The following SKAP1 variants were observed in gnomAD, a reference collection of about 807,000 sequenced individuals.
SKAP1 encodes the protein src kinase-associated phosphoprotein 1.
A neutral mutation model predicts 58.5 loss-of-function variants in SKAP1; 44 were observed. The ratio of observed to expected loss-of-function variants is 0.75; its 90% CI spans 0.59 to 0.97. The LOEUF is 0.97. Ranked by LOEUF, SKAP1 falls within the 50% of genes least tolerant of loss-of-function variation. The probability of loss-of-function intolerance (pLI) is 0.00; values close to 1 mark genes in which losing one functional copy is unlikely to be tolerated. For missense variants in SKAP1, 390 were observed against 435.2 expected (o/e 0.90, Z 0.92); for synonymous variants, 127 against 149.7 (o/e 0.85, Z 1.11).
At position 48,387,938 on chromosome 17, in the gene SKAP1, C is replaced by T. The variant is rs183168503; in HGVS notation, c.152+8742G>A. Among the ~76,000 whole-genome samples the T allele has an allele frequency of 9.9e-4, 151 of 152,250 alleles. 2 individuals carry two copies. The highest frequency in any genetic ancestry group is 1.5e-3 in the Admixed American group (23 of 15,284). ...AAGAAGTACAAAAGTTAGCTACTTC[C>T]TGTTACTTATGTCAGAAATAACAAA... On this transcript the variant is annotated intron_variant, in intron 2 of 12. Transcript: ENST00000336915.
upstream of SKAP1, chr17:48,430,413 T>C (rs1187907352): frequency 4.9e-6 from 1 of 203,156 alleles, no homozygotes; most frequent in African/African-American, 2.3e-5. Flanking sequence ...AGGCCAAAGG[T>C]GCGCCCCTCC....
chr17:48,411,510 G>A (rs1353296730), intron 1 of SKAP1, among the ~76,000 whole-genome samples: 2 of 152,102 alleles, frequency 1.3e-5, no homozygotes, highest in Non-Finnish European at 2.9e-5. Context: ...TCTAAAGTGG[G>A]GGAGCATAAC....
chr17:48,285,404 C>T (rs2065817821), intron 4 of SKAP1, among the ~76,000 whole-genome samples: 1 of 152,140 alleles, frequency 6.6e-6, no homozygotes, highest in South Asian at 2.1e-4. Context: ...ATCACGAGGT[C>T]AGGAGTTGGA....
intron 9 of SKAP1, among the ~76,000 whole-genome samples, chr17:48,173,221 AAT>A (rs145314055): frequency 2.0e-5 from 3 of 150,970 alleles, no homozygotes; most frequent in Non-Finnish European, 1.5e-5. Flanking sequence ...TGGGAAATAA[AAT>A]ATATATATAT....
At chr17:48,194,559 T>C (rs958387790) in intron 4 of SKAP1, among the ~76,000 whole-genome samples, 2 of 152,124 alleles carry the variant, frequency 1.3e-5, no homozygotes, top group African/African-American at 2.4e-5. Context: ...ACAAGGCTAA[T>C]AGCACAGGAG....
At position 48,220,200 on chromosome 17, in the gene SKAP1, A is replaced by G. The variant is rs1014735103; in HGVS notation, c.281-30700T>C. On this transcript the variant is annotated intron_variant, in intron 4 of 12. Transcript: ENST00000336915. The stretch of plus-strand genomic sequence containing the variant: ...ATTCAGCAATTCCTCTCCTAGCTAT[A>G]TACCAAACAGAAATGCCAACATAGT... Among the ~76,000 whole-genome samples, 22 of 152,346 alleles carry G rather than the reference A, an allele frequency of 1.4e-4. 1 individual carries two copies. Among genetic ancestry groups the G allele is most frequent in the African/African-American group, 5.1e-4 (21 of 41,572 alleles).
intron 6 of SKAP1, chr17:48,185,048 T>C (rs2064429323): frequency 3.8e-6 from 2 of 527,234 alleles, no homozygotes; most frequent in Non-Finnish European, 6.6e-6. Context: ...GCTAGGGAAA[T>C]GCAACGTGAA....
chr17:48,363,700 G>C, intron 3 of SKAP1, 89 bp downstream of exon 3: 1 of 1,166,762 alleles, frequency 8.6e-7, no homozygotes, highest in Non-Finnish European at 1.2e-6. Context: ...ATGCCACTCT[G>C]TGGAGAAGCT....
At chr17:48,299,863 G>T (rs770200443) in intron 4 of SKAP1, among the ~76,000 whole-genome samples, 1 of 152,088 alleles carries the variant, frequency 6.6e-6, no homozygotes. Context: ...TGGGAGGATG[G>T]GAAAGGCACT....
chr17:48,367,561 CAT>C lies in SKAP1; in HGVS notation c.153-3749_153-3748del, dbSNP rs143641420. Reference sequence around the variant, plus strand: ...GTATATATATATATGGATATATATCCATATATATATATATATAATCATACTGT... The same window carrying C: ...GTATATATATATATGGATATATATCCATATATATATATATAATCATACTGT... On this transcript the variant is annotated intron_variant, in intron 2 of 12. Transcript: ENST00000336915. 5.0e-3 allele frequency among the ~76,000 whole-genome samples: 707 copies of C among 142,094 alleles called. 12 individuals are homozygous for C. Among genetic ancestry groups the C allele is most frequent in the African/African-American group, 0.016 (630 of 38,784 alleles). The allele number at this position is 142,094 out of a possible 152,430, so 93.2% of individuals were successfully genotyped here.
chr17:48,389,966 A>T (rs1014996716), intron 2 of SKAP1, among the ~76,000 whole-genome samples: 2 of 152,236 alleles, frequency 1.3e-5, no homozygotes, highest in African/African-American at 4.8e-5. Flanking sequence ...ATTTAAAAAA[A>T]TAATTCCAAA....
chr17:48,250,429 T>C (rs1387063467), intron 4 of SKAP1, among the ~76,000 whole-genome samples: 1 of 151,268 alleles, frequency 6.6e-6, no homozygotes, highest in African/African-American at 2.4e-5. Context: ...ATTACAGGCG[T>C]GCACCACCGC....
intron 4 of SKAP1, among the ~76,000 whole-genome samples, chr17:48,236,598 G>A (rs2065183627): frequency 1.3e-5 from 2 of 152,166 alleles, no homozygotes; most frequent in Admixed American, 1.3e-4. Context: ...AAAATGCTGT[G>A]AGACTATGGA....
chr17:48,278,685 G>A (rs1022709353), intron 4 of SKAP1, among the ~76,000 whole-genome samples: 2 of 152,178 alleles, frequency 1.3e-5, no homozygotes, highest in Non-Finnish European at 2.9e-5. Flanking sequence ...AAATACTTAC[G>A]ATGAAGAATT....
At chr17:48,164,699 G>A (rs1333768359) in intron 10 of SKAP1, among the ~76,000 whole-genome samples, 1 of 152,174 alleles carries the variant, frequency 6.6e-6, no homozygotes, top group African/African-American at 2.4e-5. Context: ...AGATGGTTTA[G>A]CTCAGCCCAA....
chr17:48,299,735 A>G (rs746956671), intron 4 of SKAP1, among the ~76,000 whole-genome samples: 1 of 152,208 alleles, frequency 6.6e-6, no homozygotes, highest in Non-Finnish European at 1.5e-5. Context: ...GGCAACAGCT[A>G]TGATAACTGA....
chr17:48,138,742 C>T (rs1468555889), intron 11 of SKAP1, among the ~76,000 whole-genome samples: 1 of 152,018 alleles, frequency 6.6e-6, no homozygotes, highest in African/African-American at 2.4e-5. Context: ...TCTCAAACTC[C>T]TGACCTCAAG....
intron 6 of SKAP1, among the ~76,000 whole-genome samples, chr17:48,185,723 AAAG>A (rs1270298739): frequency 2.0e-5 from 3 of 152,324 alleles, no homozygotes; most frequent in South Asian, 2.1e-4. Flanking sequence ...ATTAAAAAAG[AAAG>A]AAGAAGAAAA....
At chr17:48,174,791 G>A (rs187372842) in intron 9 of SKAP1, among the ~76,000 whole-genome samples, 9 of 152,240 alleles carry the variant, frequency 5.9e-5, no homozygotes, top group Admixed American at 5.9e-4. Flanking sequence ...AAACAGTAAT[G>A]GATTATAATG....
Sources: gnomAD v4.1 joint callset for allele counts (sites outside exome capture counted in the v4.1 genomes callset) on GRCh38, gnomAD v4.1.1 for gene constraint, MANE v1.5 for transcripts, NCBI Gene and HGNC (gene_info 2026-07-23, HGNC 2026-07-21) for gene names.